WAC: variants seen among roughly 807,000 people sequenced by gnomAD.
WAC encodes WW domain-containing adapter protein with coiled-coil.
In WAC, 11 loss-of-function variants were observed where a neutral mutation model predicts 79.6. That is an observed-to-expected ratio of 0.14 (90% CI 0.09 to 0.23). The LOEUF is 0.23. Ranked by LOEUF, WAC falls within the 10% of genes least tolerant of loss-of-function variation. WAC has a pLI of 1.00. For missense variants in WAC, 728 were observed against 773.5 expected (o/e 0.94, Z 0.70); for synonymous variants, 304 against 276.9 (o/e 1.10, Z -0.97).
intron 3 of WAC, among the ~76,000 whole-genome samples, chr10:28,581,468 C>A (rs1839533244): frequency 6.6e-6 from 1 of 151,974 alleles, no homozygotes; most frequent in African/African-American, 2.4e-5. Context: ...CTGTCAAGGG[C>A]CAGCTGTGCC....
chr10:28,619,587 A>T lies in WAC; in HGVS notation c.1925A>T (p.Gln642Leu). The T allele has an allele frequency of 6.3e-7, 1 of 1,579,444 alleles. No individual in the cohort carries two copies. The highest frequency in any genetic ancestry group is 8.5e-7 in the Non-Finnish European group (1 of 1,171,300). The part of the protein sequence containing the change: ...QIKELEKLKN[Q>L]NSFMV ...AAGGAACTTGAAAAGCTAAAAAATCAGAATTCCTTCATGGTGTGAAGATGT... is the reference window on the plus strand; with the variant it reads ...AAGGAACTTGAAAAGCTAAAAAATCTGAATTCCTTCATGGTGTGAAGATGT... The change falls in exon 14 of 14, where the codon CAG becomes CTG. Residue 642 changes from glutamine (Q) to leucine (L), a missense_variant. Gln to Leu is a moderately radical substitution (Grantham distance 113). Transcript: ENST00000354911.
chr10:28,604,167 A>G (rs932472237), intron 7 of WAC, among the ~76,000 whole-genome samples: 4 of 150,794 alleles, frequency 2.7e-5, no homozygotes, highest in Non-Finnish European at 5.9e-5. Context: ...GCATAAAATG[A>G]GCTATTCATC....
At chr10:28,597,403 C>G (rs1181312002) in intron 7 of WAC, among the ~76,000 whole-genome samples, 1 of 152,148 alleles carries the variant, frequency 6.6e-6, no homozygotes, top group Admixed American at 6.5e-5. Flanking sequence ...AGTTAAAATT[C>G]TGATGACCCT....
At chr10:28,555,998 A>G (rs767971289) in intron 3 of WAC, among the ~76,000 whole-genome samples, 1 of 152,178 alleles carries the variant, frequency 6.6e-6, no homozygotes, top group African/African-American at 2.4e-5. Context: ...GGCCAGGGTG[A>G]TTAGACATCA....
At chr10:28,558,528 CT>C (rs1488090658) in intron 3 of WAC, among the ~76,000 whole-genome samples, 4 of 151,900 alleles carry the variant, frequency 2.6e-5, no homozygotes, top group African/African-American at 9.7e-5. Context: ...AATTTTAATT[CT>C]TTTGAGTTAT....
chr10:28,603,336 C>T (rs1198233631), intron 7 of WAC, among the ~76,000 whole-genome samples: 1 of 152,156 alleles, frequency 6.6e-6, no homozygotes, highest in African/African-American at 2.4e-5. Flanking sequence ...ATGGGTTGGA[C>T]GAGCTTGATC....
chr10:28,614,735 A>G lies in WAC; in HGVS notation c.1556+50A>G, dbSNP rs187659596. The stretch of plus-strand genomic sequence containing the variant: ...CCACATTGTTTTATTTAATGATGGT[A>G]CACTGCATTGTTTGAATATTATATC... On this transcript the variant is annotated intron_variant, in intron 11 of 13. Transcript: ENST00000354911. 1.4e-4 allele frequency: 197 copies of G among 1,372,446 alleles called. No homozygotes were observed. In the African/African-American group the frequency reaches 2.2e-3, roughly 15 times the overall value. The allele number at this position is 1,372,446 out of a possible 1,614,324, so 85.0% of individuals were successfully genotyped here. A position where few individuals can be genotyped will look rare whatever the true frequency, so the allele number is the denominator to read the frequency against.
At chr10:28,606,682 T>TA (rs1162969707) in intron 7 of WAC, among the ~76,000 whole-genome samples, 2 of 152,214 alleles carry the variant, frequency 1.3e-5, no homozygotes, top group African/African-American at 4.8e-5. Flanking sequence ...TTGAAAATCT[T>TA]AAAGAAATAG....
intron 10 of WAC, among the ~76,000 whole-genome samples, 169 bp downstream of exon 10, chr10:28,612,091 A>G (rs1048975799): frequency 6.6e-6 from 1 of 152,184 alleles, no homozygotes; most frequent in African/African-American, 2.4e-5. Context: ...TCACTGAGGG[A>G]TAGAGGGGGG....
chr10:28,604,790 A>C (rs11007158), intron 7 of WAC, among the ~76,000 whole-genome samples: 4,505 of 152,272 alleles, frequency 0.03, 230 homozygotes, highest in African/African-American at 0.1. Context: ...GAGGGATAAT[A>C]AATGTTATGT....
chr10:28,612,760 A>G (rs752821827), intron 10 of WAC, among the ~76,000 whole-genome samples: 22 of 152,274 alleles, frequency 1.4e-4, no homozygotes, highest in Middle Eastern at 3.4e-3. Flanking sequence ...ATTTAGATTG[A>G]TTTTTAAAAT....
At chr10:28,542,306 C>T (rs1564373576) in intron 3 of WAC, among the ~76,000 whole-genome samples, 1 of 152,226 alleles carries the variant, frequency 6.6e-6, no homozygotes, top group East Asian at 1.9e-4. Context: ...ATGAAGGTGA[C>T]CTGTTATGAT....
intron 4 of WAC, among the ~76,000 whole-genome samples, chr10:28,585,177 A>G (rs1839752014): frequency 6.6e-6 from 1 of 152,166 alleles, no homozygotes; most frequent in South Asian, 2.1e-4. Context: ...ACATACAGTA[A>G]TCACCACTCA....
At position 28,595,867 on chromosome 10, in the gene WAC, C is replaced by T; in HGVS notation, c.745C>T (p.Pro249Ser). 6.2e-7 allele frequency: 1 copy of T among 1,614,094 alleles called. No homozygotes were observed. Among genetic ancestry groups the T allele is most frequent in the Non-Finnish European group, 8.5e-7 (1 of 1,180,004 alleles). The change falls in exon 7 of 14, where the codon CCC (proline) becomes TCC (serine). Residue 249 changes from proline (P) to serine (S), a missense_variant. Transcript: ENST00000354911. ...THSSSTPVQH[P>S]IKPVVHPTAT... Reference sequence around the variant, plus strand: ...CAGTAGTTCTACGCCAGTACAGCACCCCATCAAACCAGTGGTTCATCCAAC... The same window carrying T: ...CAGTAGTTCTACGCCAGTACAGCACTCCATCAAACCAGTGGTTCATCCAAC...
chr10:28,535,542 G>C lies in WAC; in HGVS notation c.79-20G>C. 1.3e-6 allele frequency: 2 copies of C among 1,520,398 alleles called. No homozygotes were observed. Among genetic ancestry groups the C allele is most frequent in the Non-Finnish European group, 8.9e-7 (1 of 1,129,242 alleles). 94.2% of individuals were successfully genotyped at this position (1,520,398 alleles called of 1,614,324 possible). A position where few individuals can be genotyped will look rare whatever the true frequency, so the allele number is the denominator to read the frequency against. ...GTTTCAATTCTTTCTCTCTTTTTTT[G>C]GGGGGGTGATGTTTTACAGGCACTT... is the stretch of plus-strand genomic sequence containing the variant. On this transcript the variant is annotated intron_variant, in intron 2 of 13. Transcript: ENST00000354911.
intron 7 of WAC, among the ~76,000 whole-genome samples, chr10:28,597,202 A>G (rs1053124187): frequency 1.3e-5 from 2 of 152,102 alleles, no homozygotes; most frequent in Non-Finnish European, 2.9e-5. Flanking sequence ...TTCGGTAAAG[A>G]TGGTTCGTAC....
chr10:28,549,724 T>C (rs1837556602), intron 3 of WAC, among the ~76,000 whole-genome samples: 1 of 152,186 alleles, frequency 6.6e-6, no homozygotes, highest in Non-Finnish European at 1.5e-5. Flanking sequence ...TGAGTTTTTC[T>C]CTCCGCTTCC....
At chr10:28,609,394 A>G (rs1841116478) in intron 8 of WAC, among the ~76,000 whole-genome samples, 1 of 152,240 alleles carries the variant, frequency 6.6e-6, no homozygotes, top group African/African-American at 2.4e-5. Context: ...ATCAATTTTT[A>G]TGTACATTTT....
In WAC at chr10:28,619,603, G is replaced by A; in HGVS notation, c.1941G>A (p.Val647=). The change falls in exon 14 of 14, where the codon GTG becomes GTA. Residue 647 remains valine, a synonymous_variant. Transcript: ENST00000354911. ...TAAAAAATCAGAATTCCTTCATGGT[G>A]TGAAGATGTGAATAATTGCACATGG... ...EKLKNQNSFM[V] is the part of the protein sequence containing the mutation. 6 of 1,574,682 alleles carry A rather than the reference G, an allele frequency of 3.8e-6. No individual in the cohort carries two copies. Among genetic ancestry groups the A allele is most frequent in the East Asian group, 2.3e-5 (1 of 43,678 alleles).
Sources: gnomAD v4.1 joint callset for allele counts (sites outside exome capture counted in the v4.1 genomes callset) on GRCh38, gnomAD v4.1.1 for gene constraint, MANE v1.5 for transcripts, NCBI Gene and HGNC (gene_info 2026-07-23, HGNC 2026-07-21) for gene names.